Variants in CSMD1 observed in about 807,000 individuals in gnomAD.
CSMD1 encodes the protein CUB and sushi domain-containing protein 1.
A neutral mutation model predicts 417.5 loss-of-function variants in CSMD1; 213 were observed. The observed-to-expected ratio is 0.51, with a 90% CI of 0.46 to 0.57. CSMD1 has a LOEUF of 0.57. Among genes scored for constraint, CSMD1 ranks in the 20% least tolerant of loss-of-function variants. The pLI, the probability that CSMD1 is intolerant of heterozygous loss-of-function variation, is 0.00. For missense variants in CSMD1, 6,923 were observed against 4,529.7 expected (o/e 1.53, Z -15.17); for synonymous variants, 2,862 against 1,736.8 (o/e 1.65, Z -16.11).
intron 5 of CSMD1, among the ~76,000 whole-genome samples, chr8:3,990,059 G>A (rs1487436067): frequency 1.3e-5 from 2 of 152,198 alleles, no homozygotes. Flanking sequence ...ATTTGAGAAT[G>A]ACTAAAATGG....
chr8:3,799,815 C>G (rs1275348660), intron 5 of CSMD1, among the ~76,000 whole-genome samples: 1 of 152,052 alleles, frequency 6.6e-6, no homozygotes, highest in Non-Finnish European at 1.5e-5. Flanking sequence ...TATTACAAAT[C>G]TCTAATCTAA....
intron 7 of CSMD1, among the ~76,000 whole-genome samples, chr8:3,630,730 T>C (rs202032655): frequency 1.3e-5 from 1 of 78,676 alleles, no homozygotes; most frequent in African/African-American, 6.1e-5. Context: ...TGGAGTTGCC[T>C]CTCTGAAGCC....
intron 26 of CSMD1, among the ~76,000 whole-genome samples, chr8:3,271,376 C>T (rs1022010278): frequency 2.0e-5 from 3 of 151,868 alleles, no homozygotes; most frequent in African/African-American, 7.3e-5. Context: ...GTGAATAATG[C>T]CACAATAAAC....
At chr8:4,027,732 G>T (rs1371819124) in intron 4 of CSMD1, among the ~76,000 whole-genome samples, 1 of 152,116 alleles carries the variant, frequency 6.6e-6, no homozygotes, top group Non-Finnish European at 1.5e-5. Flanking sequence ...GAACAAACTT[G>T]AAGCCAGTCT....
intron 1 of CSMD1, among the ~76,000 whole-genome samples, chr8:4,968,978 T>C (rs893666679): frequency 1.8e-4 from 28 of 152,154 alleles, no homozygotes; most frequent in Non-Finnish European, 4.4e-5. Context: ...CCTGTGCTTT[T>C]GCACATAGGT....
At chr8:3,319,422 C>A (rs1011221351) in intron 23 of CSMD1, among the ~76,000 whole-genome samples, 1 of 152,032 alleles carries the variant, frequency 6.6e-6, no homozygotes, top group Non-Finnish European at 1.5e-5. Context: ...TAATTGAAAA[C>A]AGAGTTTGAT....
chr8:4,306,051 T>C (rs1798225233), intron 3 of CSMD1, among the ~76,000 whole-genome samples: 1 of 152,220 alleles, frequency 6.6e-6, no homozygotes, highest in African/African-American at 2.4e-5. Flanking sequence ...GTATGCACAT[T>C]ACTGGACATT....
At chr8:3,914,242 G>C (rs1292256259) in intron 5 of CSMD1, among the ~76,000 whole-genome samples, 2 of 152,138 alleles carry the variant, frequency 1.3e-5, no homozygotes, top group Admixed American at 6.5e-5. Context: ...GAATAGAGTA[G>C]ATAAGAGCTA....
At chr8:3,475,153 T>A (rs966950491) in intron 11 of CSMD1, among the ~76,000 whole-genome samples, 1 of 151,838 alleles carries the variant, frequency 6.6e-6, no homozygotes, top group Non-Finnish European at 1.5e-5. Flanking sequence ...CTCTGAGGAT[T>A]CTCGCTGGGC....
chr8:4,093,953 G>C (rs777924573), intron 3 of CSMD1, among the ~76,000 whole-genome samples: 1 of 146,330 alleles, frequency 6.8e-6, no homozygotes, highest in Admixed American at 6.8e-5. Flanking sequence ...GAGTGACTGA[G>C]ACTACATCTC....
At chr8:3,343,630 A>G (rs1807802177) in intron 22 of CSMD1, among the ~76,000 whole-genome samples, 180 bp from the exon 23 acceptor site, 2 of 152,210 alleles carry the variant, frequency 1.3e-5, no homozygotes, top group African/African-American at 2.4e-5. Context: ...TTTAAATTTT[A>G]TCTTTACCAT....
intron 52 of CSMD1, among the ~76,000 whole-genome samples, chr8:3,010,662 T>C (rs1808315084): frequency 6.6e-6 from 1 of 152,042 alleles, no homozygotes; most frequent in South Asian, 2.1e-4. Context: ...TACTCTTCTG[T>C]CAGCCTCTAG....
intron 41 of CSMD1, among the ~76,000 whole-genome samples, chr8:3,119,873 G>C (rs1817095538): frequency 6.6e-6 from 1 of 152,138 alleles, no homozygotes; most frequent in Non-Finnish European, 1.5e-5. Flanking sequence ...AACACAATGA[G>C]TTTCAAAATA....
chr8:4,196,158 C>G (rs1043199454), intron 3 of CSMD1, among the ~76,000 whole-genome samples: 7 of 152,092 alleles, frequency 4.6e-5, no homozygotes, highest in Non-Finnish European at 7.3e-5. Context: ...TTGCAGGGAG[C>G]CGAGATCGCG....
intron 50 of CSMD1, among the ~76,000 whole-genome samples, chr8:3,049,902 T>A (rs1811705582): frequency 6.6e-6 from 1 of 152,088 alleles, no homozygotes; most frequent in Non-Finnish European, 1.5e-5. Flanking sequence ...TGTCTTCCAT[T>A]CAATTTTGCT....
At chr8:4,437,790 G>A (rs1256949732) in intron 2 of CSMD1, among the ~76,000 whole-genome samples, 2 of 152,132 alleles carry the variant, frequency 1.3e-5, no homozygotes, top group Admixed American at 1.3e-4. Flanking sequence ...TGTCTCTATG[G>A]GAACTTCATA....
chr8:3,139,313 T>C (rs993057688), intron 41 of CSMD1, among the ~76,000 whole-genome samples: 1 of 152,112 alleles, frequency 6.6e-6, no homozygotes, highest in Non-Finnish European at 1.5e-5. Context: ...ACCTCCTATA[T>C]AGCTAAAGTC....
intron 2 of CSMD1, among the ~76,000 whole-genome samples, chr8:4,601,234 G>C (rs963902778): frequency 3.5e-4 from 54 of 152,314 alleles, no homozygotes; most frequent in African/African-American, 1.3e-3. Flanking sequence ...GGGATTACAG[G>C]CGTGAGCCAC....
intron 2 of CSMD1, among the ~76,000 whole-genome samples, chr8:4,623,048 C>T (rs939614831): frequency 4.6e-5 from 7 of 151,754 alleles, no homozygotes; most frequent in Admixed American, 4.6e-4. Flanking sequence ...AAATATATAC[C>T]ATTAAAAGGA....
Sources: allele counts gnomAD v4.1 joint callset (sites outside exome capture counted in the v4.1 genomes callset), GRCh38; gene constraint gnomAD v4.1.1; transcripts MANE v1.5; gene names NCBI Gene and HGNC (gene_info 2026-07-23, HGNC 2026-07-21).